HDAC9: variants seen among roughly 807,000 people sequenced by gnomAD.
HDAC9 encodes the protein histone deacetylase 9.
A neutral mutation model predicts 139.4 loss-of-function variants in HDAC9; 41 were observed. The ratio of observed to expected loss-of-function variants is 0.29; its 90% confidence interval spans 0.23 to 0.38. The LOEUF (loss-of-function observed/expected upper bound fraction) is 0.38. Among genes scored for constraint, HDAC9 ranks in the 10% least tolerant of loss-of-function variants. The pLI is 1.00. For synonymous variants in HDAC9, 517 were observed against 476.2 expected (o/e 1.09, Z -1.12); for missense variants, 1,147 against 1,297.0 (o/e 0.88, Z 1.78).
chr7:18,329,554 C>A (rs1800745293), intron 1 of HDAC9, among the ~76,000 whole-genome samples: 1 of 148,338 alleles, frequency 6.7e-6, no homozygotes, highest in Admixed American at 6.7e-5. Flanking sequence ...TGTCATCTCT[C>A]CAAAAAAAAA....
chr7:18,481,678 G>T (rs984918717), intron 1 of HDAC9, among the ~76,000 whole-genome samples: 9 of 152,174 alleles, frequency 5.9e-5, no homozygotes, highest in African/African-American at 2.2e-4. Flanking sequence ...TTAATCAACT[G>T]CAGAATGGCT....
At chr7:18,650,571 C>T (rs866500890) in intron 11 of HDAC9, among the ~76,000 whole-genome samples, 12 of 152,064 alleles carry the variant, frequency 7.9e-5, no homozygotes, top group Admixed American at 5.2e-4. Context: ...TTTTGACAGG[C>T]GAATGCTAAC....
At chr7:18,695,809 A>C (rs1174882857) in intron 12 of HDAC9, among the ~76,000 whole-genome samples, 1 of 152,158 alleles carries the variant, frequency 6.6e-6, no homozygotes, top group East Asian at 1.9e-4. Flanking sequence ...AGAGTGTCTC[A>C]GTTTTTCAGT....
At chr7:18,882,861 C>T (rs914472361) in intron 22 of HDAC9, among the ~76,000 whole-genome samples, 1 of 151,992 alleles carries the variant, frequency 6.6e-6, no homozygotes, top group Admixed American at 6.6e-5. Context: ...GTTTCAGACT[C>T]CTGTTTGAAG....
chr7:18,533,240 CTATT>C (rs1034034979), intron 2 of HDAC9, among the ~76,000 whole-genome samples: 2 of 152,254 alleles, frequency 1.3e-5, no homozygotes, highest in African/African-American at 4.8e-5. Context: ...CACTTCAACT[CTATT>C]TTCTCCGGGA....
At chr7:18,726,304 A>G (rs1279914736) in intron 12 of HDAC9, among the ~76,000 whole-genome samples, 1 of 152,202 alleles carries the variant, frequency 6.6e-6, no homozygotes, top group Non-Finnish European at 1.5e-5. Context: ...GAGTGAAAAT[A>G]CAGGATGAGT....
chr7:18,468,237 C>T lies in HDAC9; in HGVS notation c.-41-28025C>T, dbSNP rs546771457. 2.6e-5 allele frequency among the ~76,000 whole-genome samples: 4 copies of T among 152,220 alleles called. No homozygotes were observed. The East Asian group carries it at 7.7e-4, about 29-fold the overall frequency. On this transcript the variant is annotated intron_variant, in intron 1 of 3. Transcript: ENST00000413509. Reference sequence around the variant, plus strand: ...ACAAGGGGGTGAAATTTAAACTCCTCCTTGAGAAGAGGGTATCTACATAAA... The same window carrying T: ...ACAAGGGGGTGAAATTTAAACTCCTTCTTGAGAAGAGGGTATCTACATAAA...
intron 1 of HDAC9, among the ~76,000 whole-genome samples, chr7:18,421,776 C>G (rs559008780): frequency 3.3e-5 from 5 of 152,302 alleles, no homozygotes; most frequent in African/African-American, 1.2e-4. Context: ...CGTGATTAGA[C>G]TCAGGGTGAA....
At position 19,001,174 on chromosome 7, in the gene HDAC9, A is replaced by G. The variant is rs1786730144; in HGVS notation, c.*5112A>G. The G allele has an allele frequency of 6.6e-6, 1 of 152,234 alleles. No homozygotes were observed. The highest frequency in any genetic ancestry group is 6.5e-5 in the Admixed American group (1 of 15,290). The allele number at this position is 152,234 out of a possible 1,614,324, so 9.4% of individuals were successfully genotyped here. On this transcript the variant is annotated 3_prime_UTR_variant, in exon 26 of 26. Coordinates refer to ENST00000686413, the MANE Select transcript of HDAC9 (RefSeq NM_178425.4). ...CTAGTTATTGTGGAAAGAAAATTGTACATACATTTCCTTGTCCTTTGGGAG... is the reference window on the plus strand; with the variant it reads ...CTAGTTATTGTGGAAAGAAAATTGTGCATACATTTCCTTGTCCTTTGGGAG...
intron 2 of HDAC9, among the ~76,000 whole-genome samples, chr7:18,570,207 A>G (rs1188231991): frequency 6.6e-6 from 1 of 152,168 alleles, no homozygotes; most frequent in East Asian, 1.9e-4. Context: ...AAAAAATGCT[A>G]ATTGCCTAGA....
chr7:18,890,812 G>A (rs574436312), intron 22 of HDAC9, among the ~76,000 whole-genome samples: 12 of 152,280 alleles, frequency 7.9e-5, no homozygotes, highest in African/African-American at 1.4e-4. Context: ...TGATGGCACC[G>A]TAATATAAAC....
chr7:18,458,922 T>C, intron 1 of HDAC9: 2 of 1,508,476 alleles, frequency 1.3e-6, no homozygotes, highest in Non-Finnish European at 1.8e-6. Context: ...ACCTTATCCT[T>C]TTTCTTTGGT....
At chr7:18,450,314 C>CT (rs779783625) in intron 1 of HDAC9, among the ~76,000 whole-genome samples, 1 of 152,184 alleles carries the variant, frequency 6.6e-6, no homozygotes, top group Non-Finnish European at 1.5e-5. Flanking sequence ...ACTGATTCAA[C>CT]CCTAGCTCTT....
chr7:18,764,166 GTTCTT>G (rs1437708582), intron 15 of HDAC9, among the ~76,000 whole-genome samples: 2 of 151,916 alleles, frequency 1.3e-5, no homozygotes, highest in Non-Finnish European at 2.9e-5. Flanking sequence ...TTGGACAAAG[GTTCTT>G]TTCATGTATG....
At chr7:18,100,356 GA>G (rs1185945154) in intron 1 of HDAC9, among the ~76,000 whole-genome samples, 3 of 151,234 alleles carry the variant, frequency 2.0e-5, no homozygotes, top group Non-Finnish European at 3.0e-5. Context: ...CATCAAATTT[GA>G]AAAAAAAGTT....
chr7:18,983,157 A>G (rs981356768), intron 25 of HDAC9, among the ~76,000 whole-genome samples: 1 of 152,126 alleles, frequency 6.6e-6, no homozygotes, highest in African/African-American at 2.4e-5. Context: ...TCTGTTTCAG[A>G]GTTTGACTAC....
intron 12 of HDAC9, among the ~76,000 whole-genome samples, chr7:18,671,247 G>A (rs1190204482): frequency 1.3e-5 from 2 of 151,988 alleles, no homozygotes; most frequent in South Asian, 2.1e-4. Context: ...CAGTTGTCAC[G>A]TTCTAGACCT....
chr7:18,505,780 A>G (rs1367140623), intron 2 of HDAC9: 1 of 152,246 alleles, frequency 6.6e-6, no homozygotes. Flanking sequence ...TTGTAAAAGC[A>G]TTATTGATTA....
chr7:18,992,384 G>C (rs1585513656), intron 25 of HDAC9, among the ~76,000 whole-genome samples: 1 of 152,050 alleles, frequency 6.6e-6, no homozygotes, highest in Admixed American at 6.6e-5. Context: ...TACTGAGTGA[G>C]AAAATTATGC....
Sources: gnomAD v4.1 joint callset for allele counts (sites outside exome capture counted in the v4.1 genomes callset) on GRCh38, gnomAD v4.1.1 for gene constraint, MANE v1.5 for transcripts, NCBI Gene and HGNC (gene_info 2026-07-23, HGNC 2026-07-21) for gene names.